Variants in IDI2 observed in about 807,000 individuals in gnomAD.
The protein encoded by IDI2 is isopentenyl-diphosphate delta-isomerase 2.
IDI2 carries 18 observed loss-of-function variants against 14.8 expected under a neutral mutation model. That is an observed-to-expected ratio of 1.22 (90% CI 0.84 to 1.80). The LOEUF is 1.80. Ranked by LOEUF, IDI2 falls within the 40% of genes most tolerant of loss-of-function variation. The pLI is 0.00. For synonymous variants in IDI2, 133 were observed against 109.6 expected (o/e 1.21, Z -1.33); for missense variants, 316 against 283.2 (o/e 1.12, Z -0.83).
chr10:1,025,523 C>T (rs561538008), intron 1 of IDI2, among the ~76,000 whole-genome samples: 4 of 138,378 alleles, frequency 2.9e-5, no homozygotes, highest in Non-Finnish European at 4.6e-5. Flanking sequence ...CCTGGGCAGA[C>T]AGAGTGAGAC....
In IDI2 at chr10:1,024,624, C is replaced by T. The variant is rs745577300; in HGVS notation, c.100G>A (p.Asp34Asn). 1.2e-5 allele frequency: 20 copies of T among 1,613,990 alleles called. 1 individual carries two copies. Among genetic ancestry groups the T allele is most frequent in the South Asian group, 5.5e-5 (5 of 91,060 alleles). ...TTCAGATGGCAATTCCTCTTGGTGT[C>T]GGCACCAATAACCTTATCATTCTCA... ...VDENDKVIGADTKRNCHLNEN... is the reference protein window; with the variant it reads ...VDENDKVIGANTKRNCHLNEN... Residue 34 changes from aspartate (D) to asparagine (N), a missense_variant, in exon 2 of 5, where the codon GAC becomes AAC. Coordinates refer to ENST00000277517, the MANE Select transcript of IDI2 (RefSeq NM_033261.3).
At chr10:1,022,947 T>C (rs1832138425) in intron 2 of IDI2, among the ~76,000 whole-genome samples, 172 bp from the exon 3 acceptor site, 1 of 152,086 alleles carries the variant, frequency 6.6e-6, no homozygotes, top group South Asian at 2.1e-4. Context: ...TCTCAGCGGA[T>C]TAGAACACTC....
intron 4 of IDI2, 169 bp from the exon 5 acceptor site, chr10:1,020,003 A>G (rs1274806452): frequency 3.2e-6 from 2 of 616,344 alleles, no homozygotes; most frequent in East Asian, 2.7e-5. Context: ...TGTGGACTCA[A>G]GTCTGAATGA....
intron 3 of IDI2, among the ~76,000 whole-genome samples, chr10:1,021,814 A>G (rs888887066): frequency 1.3e-5 from 2 of 152,192 alleles, no homozygotes; most frequent in East Asian, 3.9e-4. Flanking sequence ...GCTCCGAGGA[A>G]GAACTAAGGG....
At chr10:1,020,399 C>A (rs1589035980) in intron 4 of IDI2, among the ~76,000 whole-genome samples, 1 of 152,084 alleles carries the variant, frequency 6.6e-6, no homozygotes. Context: ...CCATGTTGGC[C>A]AGGATGGTCT....
intron 2 of IDI2, among the ~76,000 whole-genome samples, chr10:1,024,110 C>G (rs1249512735): frequency 1.3e-5 from 2 of 152,138 alleles, no homozygotes; most frequent in Non-Finnish European, 2.9e-5. Context: ...GGAGAACCAG[C>G]CTAACTGCAC....
At chr10:1,022,178 G>A (rs1426071037) in intron 3 of IDI2, among the ~76,000 whole-genome samples, 1 of 151,572 alleles carries the variant, frequency 6.6e-6, no homozygotes, top group Non-Finnish European at 1.5e-5. Context: ...ACAATGGCGT[G>A]AACCCAGGAG....
In IDI2 at chr10:1,025,041, CACACACACACA is replaced by C. The variant is rs1231419463; in HGVS notation, c.-21-308_-21-298del. On this transcript the variant is annotated intron_variant, in intron 1 of 4. Transcript: ENST00000277517. ...ACACACACACACACACACACACACACACACACACACAAAACACACCGAGGTAAACTGTAGGT... is the reference window on the plus strand; with the variant it reads ...ACACACACACACACACACACACACACAAACACACCGAGGTAAACTGTAGGT... 3.8e-4 allele frequency among the ~76,000 whole-genome samples: 35 copies of C among 92,946 alleles called. 1 individual carries two copies. The highest frequency in any genetic ancestry group is 3.3e-3 in the Admixed American group (31 of 9,256). The allele number at this position is 92,946 out of a possible 152,430, so 61.0% of individuals were successfully genotyped here.
At chr10:1,025,638 G>A (rs1832204321) in intron 1 of IDI2, among the ~76,000 whole-genome samples, 178 bp downstream of exon 1, 1 of 151,624 alleles carries the variant, frequency 6.6e-6, no homozygotes, top group Admixed American at 6.6e-5. Flanking sequence ...ATTCACGTCT[G>A]TCCATTATCA....
rs764291421 is a variant in IDI2, at chr10:1,019,739, A to G, written c.462T>C (p.Leu154=). The change falls in exon 5 of 5, where the codon CTT becomes CTC. Residue 154 remains leucine, a synonymous_variant. Transcript: ENST00000277517. ...GGTTCAGAGTGACGTTTTTCCTCACAAGCAGAAGGTAACAAATTTCATGCT... is the reference window on the plus strand; with the variant it reads ...GGTTCAGAGTGACGTTTTTCCTCACGAGCAGAAGGTAACAAATTTCATGCT... ...WGEHEICYLL[L]VRKNVTLNPD... 2.5e-6 allele frequency: 4 copies of G among 1,613,848 alleles called. No homozygotes were observed. The African/African-American group carries it at 5.3e-5, about 22-fold the overall frequency.
chr10:1,019,636 C>T lies in IDI2; in HGVS notation c.565G>A (p.Gly189Ser). 1 of 1,613,972 alleles carries T rather than the reference C, an allele frequency of 6.2e-7. No homozygotes were observed. The highest frequency in any genetic ancestry group is 8.5e-7 in the Non-Finnish European group (1 of 1,180,012). The change falls in exon 5 of 5, where the codon GGT (glycine) becomes AGT (serine). Residue 189 changes from glycine to serine, a missense_variant. Transcript: ENST00000277517. ...LWELLEREAR[G>S]EVKVTPWLRT... Reference sequence around the variant, plus strand: ...AGCCAGGGGGTGACTTTGACTTCACCCCTCGCCTCCCTCTCCAGCAGCTCC... The same window carrying T: ...AGCCAGGGGGTGACTTTGACTTCACTCCTCGCCTCCCTCTCCAGCAGCTCC...
intron 3 of IDI2, 121 bp downstream of exon 3, chr10:1,022,562 G>A: frequency 1.3e-6 from 1 of 743,210 alleles, no homozygotes; most frequent in South Asian, 1.5e-5. Flanking sequence ...ATTTTCTGCA[G>A]GATGAGCTGC....
Position 1,019,933 on chromosome 10 carries a change from T to G in IDI2, c.367-99A>C, listed in dbSNP as rs1369615648. On this transcript the variant is annotated intron_variant, in intron 4 of 4. Transcript: ENST00000277517. ...AAACACATTTGTTTTCCTCAGAAAA[T>G]GAACACTTTCTTTGGTAATTGATAA... 5.3e-6 allele frequency: 5 copies of G among 948,570 alleles called. No individual in the cohort carries two copies. In the African/African-American group the frequency reaches 8.3e-5, roughly 16 times the overall value. 58.8% of individuals were successfully genotyped at this position (948,570 alleles called of 1,614,324 possible).
At position 1,019,242 on chromosome 10, in the gene IDI2, C is replaced by G; in HGVS notation, c.*275G>C. On this transcript the variant is annotated 3_prime_UTR_variant, in exon 5 of 5. Coordinates refer to ENST00000277517, the MANE Select transcript of IDI2 (RefSeq NM_033261.3). ...TCCCCAAGACTTTCAGGATCAGCTG[C>G]TGTTAATCAAACAAGTGCTTATAAA... 1 of 352,816 alleles carries G rather than the reference C, an allele frequency of 2.8e-6. No homozygotes were observed. Among genetic ancestry groups the G allele is most frequent in the Non-Finnish European group, 5.2e-6 (1 of 190,896 alleles). The allele number at this position is 352,816 out of a possible 1,614,324, so 21.9% of individuals were successfully genotyped here.
intron 2 of IDI2, among the ~76,000 whole-genome samples, chr10:1,023,589 G>A (rs1462426241): frequency 6.6e-6 from 1 of 152,136 alleles, no homozygotes; most frequent in African/African-American, 2.4e-5. Context: ...AGTATCACAT[G>A]TTCTCACTGC....
At chr10:1,023,723 TAGAG>T (rs942712227) in intron 2 of IDI2, among the ~76,000 whole-genome samples, 9 of 152,104 alleles carry the variant, frequency 5.9e-5, no homozygotes, top group Admixed American at 5.9e-4. Context: ...CATACCGCGA[TAGAG>T]AAGGAATAAT....
chr10:1,021,456 C>A (rs1832099341), intron 3 of IDI2, among the ~76,000 whole-genome samples: 1 of 152,240 alleles, frequency 6.6e-6, no homozygotes, highest in African/African-American at 2.4e-5. Flanking sequence ...GTCACACTCT[C>A]CTCAGTAAAT....
chr10:1,025,606 T>C (rs1019455447), intron 1 of IDI2, among the ~76,000 whole-genome samples: 4 of 152,130 alleles, frequency 2.6e-5, no homozygotes, highest in Non-Finnish European at 4.4e-5. Flanking sequence ...TCATCATCCT[T>C]TTCTACTTTT....
chr10:1,019,897 AT>A, intron 4 of IDI2, 63 bp from the exon 5 acceptor site: 4 of 1,176,144 alleles, frequency 3.4e-6, no homozygotes, highest in African/African-American at 1.5e-5. Context: ...TTACAGAAAA[AT>A]AGAGAAAATA....
Sources: gnomAD v4.1 joint callset for allele counts (sites outside exome capture counted in the v4.1 genomes callset) on GRCh38, gnomAD v4.1.1 for gene constraint, MANE v1.5 for transcripts, NCBI Gene and HGNC (gene_info 2026-07-23, HGNC 2026-07-21) for gene names.